ANKRD45: variants seen among roughly 807,000 people sequenced by gnomAD.
ANKRD45 encodes the protein ankyrin repeat domain-containing protein 45.
Under a neutral mutation model 28.1 loss-of-function variants are expected in ANKRD45, and 21 were observed. The observed-to-expected ratio is 0.75, with a 90% CI of 0.53 to 1.08. ANKRD45 has a LOEUF of 1.08. Ranked by LOEUF, ANKRD45 falls within the 50% of genes least tolerant of loss-of-function variation. The pLI is 0.00. For synonymous variants in ANKRD45, 86 were observed against 103.9 expected (o/e 0.83, Z 1.05); for missense variants, 261 against 308.7 (o/e 0.85, Z 1.16).
the ANKRD45 span, among the ~76,000 whole-genome samples, chr1:173,689,913 A>G: frequency 2.0e-5 from 3 of 152,158 alleles, no homozygotes; most frequent in South Asian, 4.2e-4. Context: ...TGAAAAGAGG[A>G]TGCCCAAGAT....
chr1:173,612,165 G>T (rs963633472), intron 5 of ANKRD45, among the ~76,000 whole-genome samples: 1 of 151,974 alleles, frequency 6.6e-6, no homozygotes, highest in South Asian at 2.1e-4. Flanking sequence ...GATTGCTTGG[G>T]CCCAGGGAGG....
chr1:173,653,675 T>A (rs1669349522), intron 2 of ANKRD45, among the ~76,000 whole-genome samples: 1 of 152,188 alleles, frequency 6.6e-6, no homozygotes, highest in African/African-American at 2.4e-5. Flanking sequence ...GTCTCGTTGA[T>A]CTGTCTAATG....
rs1668273797 is a variant in ANKRD45, at chr1:173,633,252, C to A, written c.497-6093G>T. On this transcript the variant is annotated intron_variant, in intron 3 of 5. Transcript: ENST00000333279. Reference sequence around the variant, plus strand: ...AAAGTAACTCCATTTACAATACATACAAAGAAAATAAAATACTTTGGGATA... The same window carrying A: ...AAAGTAACTCCATTTACAATACATAAAAAGAAAATAAAATACTTTGGGATA... Among the ~76,000 whole-genome samples, 3 of 151,200 alleles carry A rather than the reference C, an allele frequency of 2.0e-5. 1 individual carries two copies. Among genetic ancestry groups the A allele is most frequent in the Admixed American group, 2.0e-4 (3 of 15,172 alleles).
the ANKRD45 span, among the ~76,000 whole-genome samples, chr1:173,681,168 C>A: frequency 6.6e-6 from 1 of 151,932 alleles, no homozygotes; most frequent in East Asian, 1.9e-4. Flanking sequence ...AAAAGTTGAA[C>A]TTTGGGTTTT....
intron 2 of ANKRD45, among the ~76,000 whole-genome samples, chr1:173,657,125 A>G (rs1010131767): frequency 2.0e-5 from 3 of 150,640 alleles, no homozygotes; most frequent in East Asian, 2.0e-4. Flanking sequence ...TTAATATTCT[A>G]TGTTTTCAAT....
intron 1 of ANKRD45, 36 bp downstream of exon 1, chr1:173,669,781 C>A: frequency 4.6e-6 from 1 of 219,608 alleles, no homozygotes; most frequent in Non-Finnish European, 1.0e-5. Flanking sequence ...CCCAAGTGCC[C>A]ACCCCGGCCC....
intron 1 of ANKRD45, among the ~76,000 whole-genome samples, chr1:173,663,159 C>T (rs1381838743): frequency 6.6e-6 from 1 of 151,988 alleles, no homozygotes; most frequent in Non-Finnish European, 1.5e-5. Flanking sequence ...ACTTCCCACA[C>T]CGGAAGACTA....
intron 3 of ANKRD45, chr1:173,637,113 G>T (rs1402248950): frequency 5.4e-6 from 6 of 1,109,176 alleles, no homozygotes; most frequent in Non-Finnish European, 7.6e-6. Flanking sequence ...ATTAAAAATT[G>T]TTCTTTGGAA....
chr1:173,650,646 T>A (rs1033273942), intron 2 of ANKRD45, among the ~76,000 whole-genome samples: 3 of 152,212 alleles, frequency 2.0e-5, no homozygotes, highest in Admixed American at 2.0e-4. Context: ...CAAATGGTAT[T>A]TCTAGTTCTA....
At chr1:173,691,685 G>T in the ANKRD45 span, among the ~76,000 whole-genome samples, 39 of 152,290 alleles carry the variant, frequency 2.6e-4, no homozygotes, top group African/African-American at 8.4e-4. Flanking sequence ...TACTTGGGAG[G>T]CTGAGGCAGG....
intron 1 of ANKRD45, chr1:173,669,398 CAAA>C (rs58611776): frequency 3.3e-4 from 129 of 391,430 alleles, no homozygotes; most frequent in Middle Eastern, 1.3e-3. Flanking sequence ...TTTTTTTCTT[CAAA>C]AAAAAAAAAA....
In ANKRD45 at chr1:173,610,035, GTACTTAAA is replaced by G. The variant is rs940732850; in HGVS notation, c.*102_*109del. ...AACAAAACAAGGGCGATGTAATGTT[GTACTTAAA>G]TACTTAAAGAAACCCACATCTGTTT... On this transcript the variant is annotated 3_prime_UTR_variant, in exon 6 of 6. Coordinates refer to ENST00000333279, the MANE Select transcript of ANKRD45 (RefSeq NM_198493.3). 48 of 1,110,708 alleles carry G rather than the reference GTACTTAAA, an allele frequency of 4.3e-5. No individual in the cohort carries two copies. Among genetic ancestry groups the G allele is most frequent in the Non-Finnish European group, 5.9e-5 (44 of 743,064 alleles). 68.8% of individuals were successfully genotyped at this position (1,110,708 alleles called of 1,614,324 possible). A position where few individuals can be genotyped will look rare whatever the true frequency, so the allele number is the denominator to read the frequency against.
At position 173,656,070 on chromosome 1, in the gene ANKRD45, G is replaced by A. The variant is rs117413720; in HGVS notation, c.328+3021C>T. Among the ~76,000 whole-genome samples the A allele has an allele frequency of 1.6e-3, 244 of 152,278 alleles. No individual in the cohort carries two copies. The East Asian group carries it at 0.024, about 15-fold the overall frequency. On this transcript the variant is annotated intron_variant, in intron 2 of 5. Transcript: ENST00000333279. Reference sequence around the variant, plus strand: ...ACCCCTTGTGCTTCCCATGTGAGGCGATGCCCTGCCCTGCTTTGGCTCACC... The same window carrying A: ...ACCCCTTGTGCTTCCCATGTGAGGCAATGCCCTGCCCTGCTTTGGCTCACC...
At chr1:173,653,785 T>C (rs2102375300) in intron 2 of ANKRD45, among the ~76,000 whole-genome samples, 1 of 152,276 alleles carries the variant, frequency 6.6e-6, no homozygotes, top group African/African-American at 2.4e-5. Flanking sequence ...GGTGCTCCTG[T>C]ATTGGGTGTC....
At chr1:173,682,684 T>TACGCGCACACAC in the ANKRD45 span, among the ~76,000 whole-genome samples, 9 of 144,036 alleles carry the variant, frequency 6.2e-5, no homozygotes, top group East Asian at 4.0e-4. Flanking sequence ...GCCTTTTAAA[T>TACGCGCACACAC]ACACACACAC....
intron 1 of ANKRD45, among the ~76,000 whole-genome samples, chr1:173,668,738 CCAGAT>C (rs1229331839): frequency 6.6e-6 from 1 of 152,184 alleles, no homozygotes; most frequent in African/African-American, 2.4e-5. Context: ...ATGAAAGGAA[CCAGAT>C]CAGTCATATA....
upstream of ANKRD45, among the ~76,000 whole-genome samples, chr1:173,672,224 CA>C (rs1161938700): frequency 1.3e-5 from 2 of 152,078 alleles, no homozygotes; most frequent in Non-Finnish European, 2.9e-5. Context: ...TTGTGGTAAT[CA>C]AAATTTTAGA....
In ANKRD45 at chr1:173,655,587, C is replaced by T. The variant is rs149184728; in HGVS notation, c.328+3504G>A. Among the ~76,000 whole-genome samples the T allele has an allele frequency of 3.9e-5, 6 of 152,278 alleles. No homozygotes were observed. In the East Asian group the frequency reaches 9.7e-4, roughly 25 times the overall value. On this transcript the variant is annotated intron_variant, in intron 2 of 5. Transcript: ENST00000333279. ...CATGGGGATCAGGAGGCAGTGTGTC[C>T]GTTCTCAGAGCTCAGACGCCATGCT... is the stretch of plus-strand genomic sequence containing the variant.
intron 2 of ANKRD45, among the ~76,000 whole-genome samples, chr1:173,651,310 T>C (rs1361357809): frequency 6.6e-6 from 1 of 152,216 alleles, no homozygotes; most frequent in South Asian, 2.1e-4. Context: ...TTTCTACATA[T>C]GGCTAGCCAG....
Sources: gnomAD v4.1 joint callset for allele counts (sites outside exome capture counted in the v4.1 genomes callset) on GRCh38, gnomAD v4.1.1 for gene constraint, MANE v1.5 for transcripts, NCBI Gene and HGNC (gene_info 2026-07-23, HGNC 2026-07-21) for gene names.